Variants in CLINT1 observed in about 807,000 individuals in gnomAD.
The protein encoded by CLINT1 is clathrin interactor 1, also known as clathrin interacting protein localized in the trans-Golgi region.
CLINT1 carries 15 observed loss-of-function variants against 70.4 expected under a neutral mutation model. The ratio of observed to expected loss-of-function variants is 0.21; its 90% CI spans 0.14 to 0.33. The LOEUF (loss-of-function observed/expected upper bound fraction) is 0.33. Ranked by LOEUF, CLINT1 falls within the 10% of genes least tolerant of loss-of-function variation. The pLI, the probability that CLINT1 is intolerant of heterozygous loss-of-function variation, is 1.00. For synonymous variants in CLINT1, 227 were observed against 254.7 expected, an observed-to-expected ratio of 0.89 and a Z score of 1.04; for missense variants, 615 against 778.1, an observed-to-expected ratio of 0.79 and a Z score of 2.49.
intron 1 of CLINT1, among the ~76,000 whole-genome samples, chr5:157,836,419 T>C (rs575207047): frequency 6.6e-6 from 1 of 152,360 alleles, no homozygotes; most frequent in East Asian, 1.9e-4. Flanking sequence ...TATTAATTGC[T>C]GTTTATAATC....
At chr5:157,850,343 C>T (rs970868605) in intron 1 of CLINT1, among the ~76,000 whole-genome samples, 2 of 152,056 alleles carry the variant, frequency 1.3e-5, no homozygotes, top group Non-Finnish European at 2.9e-5. Context: ...ACTGGCTGGG[C>T]ACAGTGGCTC....
chr5:157,823,428 C>T (rs1442477406), intron 1 of CLINT1, among the ~76,000 whole-genome samples: 2 of 152,124 alleles, frequency 1.3e-5, no homozygotes, highest in African/African-American at 4.8e-5. Context: ...TGAATATTAT[C>T]TGTACTTCCA....
At position 157,813,044 on chromosome 5, in the gene CLINT1, G is replaced by A. The variant is rs748422198; in HGVS notation, c.517+19C>T. The A allele has an allele frequency of 1.2e-6, 2 of 1,608,432 alleles. No individual in the cohort carries two copies. The highest frequency in any genetic ancestry group is 3.4e-5 in the Admixed American group (2 of 59,486). Reference sequence around the variant, plus strand: ...AAGCTAAGCTGATGCTTAGGTGTCAGCTTGTCTTTGATACTCACTGTATCT... The same window carrying A: ...AAGCTAAGCTGATGCTTAGGTGTCAACTTGTCTTTGATACTCACTGTATCT... On this transcript the variant is annotated intron_variant, in intron 5 of 11. Transcript: ENST00000411809.
At chr5:157,849,664 T>A (rs1169027361) in intron 1 of CLINT1, among the ~76,000 whole-genome samples, 1 of 152,248 alleles carries the variant, frequency 6.6e-6, no homozygotes, top group African/African-American at 2.4e-5. Context: ...CTTCTAGATG[T>A]GCTATCTGTG....
rs1053942011 is a variant in CLINT1 at position 157,859,075 on chromosome 5, C to T, written c.-105G>A. On this transcript the variant is annotated 5_prime_UTR_variant, in exon 1 of 12. Coordinates refer to ENST00000411809, the MANE Select transcript of CLINT1 (RefSeq NM_014666.4). ...CCAGGCCGGGGTCACCGCCGCCCGC[C>T]GCCTCGAACTCCCCCAGTCAGCTCC... 8 of 1,286,120 alleles carry T rather than the reference C, an allele frequency of 6.2e-6. No individual in the cohort carries two copies. The highest frequency in any genetic ancestry group is 4.0e-5 in the Admixed American group (2 of 49,700). The allele number at this position is 1,286,120 out of a possible 1,614,324, so 79.7% of individuals were successfully genotyped here. A position where few individuals can be genotyped will look rare whatever the true frequency, so the allele number is the denominator to read the frequency against.
intron 1 of CLINT1, among the ~76,000 whole-genome samples, chr5:157,857,492 C>T (rs1485761093): frequency 1.3e-5 from 2 of 152,172 alleles, no homozygotes; most frequent in Admixed American, 1.3e-4. Context: ...AAACTTGAAG[C>T]TTCTTTCTTA....
At chr5:157,815,014 CAG>C (rs1213471662) in intron 3 of CLINT1, among the ~76,000 whole-genome samples, 1 of 136,594 alleles carries the variant, frequency 7.3e-6, no homozygotes, top group Non-Finnish European at 1.6e-5. Context: ...GCCTCGGCGA[CAG>C]AGAAACTCTG....
intron 5 of CLINT1, 73 bp from the exon 6 acceptor site, chr5:157,809,878 C>A: frequency 2.1e-6 from 3 of 1,396,600 alleles, no homozygotes; most frequent in East Asian, 2.5e-5. Flanking sequence ...GTCCTTATTT[C>A]TCAGGCTTTT....
chr5:157,821,918 T>A (rs1348078054), intron 1 of CLINT1, among the ~76,000 whole-genome samples: 2 of 152,234 alleles, frequency 1.3e-5, no homozygotes, highest in Non-Finnish European at 2.9e-5. Flanking sequence ...AAAGTGCTTT[T>A]ACTCATTTTC....
chr5:157,859,128 G>T lies in CLINT1; in HGVS notation c.-158C>A. ...CCTTTGCCACAGCAGCGGCGCCGCC[G>T]GTGACACGTCGAGACGCGGCAGCAC... On this transcript the variant is annotated 5_prime_UTR_variant, in exon 1 of 12. Coordinates refer to ENST00000411809, the MANE Select transcript of CLINT1 (RefSeq NM_014666.4). 1 of 688,720 alleles carries T rather than the reference G, an allele frequency of 1.5e-6. No individual in the cohort carries two copies. Among genetic ancestry groups the T allele is most frequent in the Non-Finnish European group, 2.3e-6 (1 of 434,676 alleles). 42.7% of individuals were successfully genotyped at this position (688,720 alleles called of 1,614,324 possible). A position where few individuals can be genotyped will look rare whatever the true frequency, so the allele number is the denominator to read the frequency against.
intron 10 of CLINT1, 170 bp from the exon 11 acceptor site, chr5:157,789,683 C>T (rs1761843031): frequency 2.5e-6 from 2 of 809,686 alleles, no homozygotes; most frequent in Admixed American, 2.5e-5. Context: ...ATGTTCTATG[C>T]TAATGTCTTC....
intron 9 of CLINT1, among the ~76,000 whole-genome samples, chr5:157,793,211 G>A (rs1361160707): frequency 1.4e-5 from 2 of 146,490 alleles, no homozygotes; most frequent in East Asian, 2.0e-4. Context: ...ACACGTCTTT[G>A]ATCTTTTTTT....
At chr5:157,815,169 G>A (rs1341129579) in intron 3 of CLINT1, among the ~76,000 whole-genome samples, 6 of 150,364 alleles carry the variant, frequency 4.0e-5, no homozygotes, top group South Asian at 4.2e-4. Context: ...GTATTGTGGC[G>A]CACACCTGTA....
chr5:157,792,039 C>A (rs1331387770), intron 9 of CLINT1, 44 bp from the exon 10 acceptor site: 8 of 1,532,540 alleles, frequency 5.2e-6, no homozygotes, highest in African/African-American at 1.4e-5. Flanking sequence ...TCATGGAATG[C>A]ACAGAACAAA....
chr5:157,813,833 A>G (rs1762632144), intron 4 of CLINT1, among the ~76,000 whole-genome samples: 2 of 152,310 alleles, frequency 1.3e-5, no homozygotes, highest in Middle Eastern at 6.8e-3. Flanking sequence ...TGGGAGGGAA[A>G]AAAACCCCAG....
chr5:157,856,620 T>G (rs968770756), intron 1 of CLINT1, among the ~76,000 whole-genome samples: 32 of 152,226 alleles, frequency 2.1e-4, no homozygotes, highest in African/African-American at 7.5e-4. Flanking sequence ...TTCTGTAAGA[T>G]GCTTACATTT....
chr5:157,804,361 C>G (rs1460753668), intron 7 of CLINT1, among the ~76,000 whole-genome samples: 2 of 152,160 alleles, frequency 1.3e-5, no homozygotes. Context: ...CTATTTTTAT[C>G]TTCTCCACAA....
intron 1 of CLINT1, among the ~76,000 whole-genome samples, chr5:157,833,186 A>G (rs915334346): frequency 6.6e-6 from 1 of 152,226 alleles, no homozygotes; most frequent in East Asian, 1.9e-4. Context: ...CCCTGTCTCT[A>G]CTAAAAATAC....
rs189497652 is a variant in CLINT1, at chr5:157,830,144, C to T, written c.42-12597G>A. Reference sequence around the variant, plus strand: ...TATATTTTTTGTAGAGATGGGGTTTCGCCATGTTGCCTAGGCTGGTCTCGA... The same window carrying T: ...TATATTTTTTGTAGAGATGGGGTTTTGCCATGTTGCCTAGGCTGGTCTCGA... On this transcript the variant is annotated intron_variant, in intron 1 of 11. Transcript: ENST00000411809. Among the ~76,000 whole-genome samples the T allele has an allele frequency of 1.4e-3, 215 of 152,062 alleles. 1 individual carries two copies. The highest frequency in any genetic ancestry group is 4.2e-3 in the African/African-American group (175 of 41,460).
Sources: allele counts gnomAD v4.1 joint callset (sites outside exome capture counted in the v4.1 genomes callset), GRCh38; gene constraint gnomAD v4.1.1; transcripts MANE v1.5; gene names NCBI Gene and HGNC (gene_info 2026-07-23, HGNC 2026-07-21).